RNF115: variants seen among roughly 807,000 people sequenced by gnomAD.
The protein encoded by RNF115 is ring finger protein 115, also known as E3 ubiquitin-protein ligase RNF115.
In RNF115, 31 loss-of-function variants were observed where a neutral mutation model predicts 39.2. The ratio of observed to expected loss-of-function variants is 0.79; its 90% CI spans 0.59 to 1.07. The LOEUF (loss-of-function observed/expected upper bound fraction) is 1.07. Ranked by LOEUF, RNF115 falls within the 50% of genes least tolerant of loss-of-function variation. The pLI, the probability that RNF115 is intolerant of heterozygous loss-of-function variation, is 0.00. For synonymous variants in RNF115, 124 were observed against 131.0 expected, an observed-to-expected ratio of 0.95 and a Z score of 0.37; for missense variants, 384 against 381.7, an observed-to-expected ratio of 1.01 and a Z score of -0.05.
intron 1 of RNF115, among the ~76,000 whole-genome samples, chr1:145,815,637 G>A (rs1553723435): frequency 1.3e-5 from 2 of 151,502 alleles, no homozygotes; most frequent in Non-Finnish European, 1.5e-5. Flanking sequence ...ATTAGTCTTG[G>A]CTTCACATTG....
chr1:145,748,846 T>G (rs1484834941), intron 7 of RNF115, among the ~76,000 whole-genome samples: 1 of 149,824 alleles, frequency 6.7e-6, no homozygotes, highest in Non-Finnish European at 1.5e-5. Context: ...ATTGCGCCAC[T>G]GCACTCCAGC....
intron 2 of RNF115, among the ~76,000 whole-genome samples, chr1:145,787,245 G>A (rs1291922690): frequency 2.0e-5 from 3 of 152,126 alleles, no homozygotes; most frequent in Admixed American, 6.6e-5. Flanking sequence ...AGCCAAAAGA[G>A]GCCATCCTAT....
At chr1:145,812,992 AT>A (rs1424215039) in intron 1 of RNF115, among the ~76,000 whole-genome samples, 1 of 138,318 alleles carries the variant, frequency 7.2e-6, no homozygotes, top group Non-Finnish European at 1.6e-5. Context: ...GAAAAAAGAA[AT>A]TTCTAAAAAA....
At chr1:145,801,526 T>A (rs1353050895) in intron 1 of RNF115, among the ~76,000 whole-genome samples, 2 of 151,614 alleles carry the variant, frequency 1.3e-5, no homozygotes, top group African/African-American at 4.8e-5. Context: ...AGAGTGAGAC[T>A]CCATGTCAAA....
At chr1:145,801,870 C>A (rs1649263711) in intron 1 of RNF115, among the ~76,000 whole-genome samples, 1 of 152,170 alleles carries the variant, frequency 6.6e-6, no homozygotes. Flanking sequence ...TCACTGCAAC[C>A]TCTGCCTCCC....
At chr1:145,822,143 A>G (rs1440788524) in intron 1 of RNF115, among the ~76,000 whole-genome samples, 2 of 152,086 alleles carry the variant, frequency 1.3e-5, no homozygotes, top group Non-Finnish European at 2.9e-5. Context: ...CCTGGCCAAC[A>G]TGGTGAAACT....
intron 1 of RNF115, among the ~76,000 whole-genome samples, chr1:145,792,587 C>G (rs1553719155): frequency 6.6e-6 from 1 of 152,106 alleles, no homozygotes; most frequent in Non-Finnish European, 1.5e-5. Context: ...ACAATAATTG[C>G]TATAACCAAT....
intron 4 of RNF115, among the ~76,000 whole-genome samples, chr1:145,765,113 A>T (rs1167729427): frequency 2.6e-5 from 4 of 152,170 alleles, no homozygotes; most frequent in Non-Finnish European, 5.9e-5. Flanking sequence ...TTGATCTATG[A>T]CCTTACCCCC....
chr1:145,754,209 TATAAC>T (rs1431693138), intron 4 of RNF115, among the ~76,000 whole-genome samples: 2 of 152,240 alleles, frequency 1.3e-5, no homozygotes, highest in Non-Finnish European at 2.9e-5. Context: ...TATTATGGTA[TATAAC>T]ATATTTTGAA....
rs781918386 is a variant in RNF115, at chr1:145,809,488, A to ATTT, written c.102+14281_102+14283dup. On this transcript the variant is annotated intron_variant, in intron 1 of 8. Coordinates refer to ENST00000582693, the MANE Select transcript of RNF115 (RefSeq NM_014455.4). ...GCGCCACTGCACCCAGACCCAGCTA[A>ATTT]TTTTTTTTTTTTTTTTTTTTTGGAG... Among the ~76,000 whole-genome samples, 259 of 46,318 alleles carry ATTT rather than the reference A, an allele frequency of 5.6e-3. 19 individuals carry two copies. The highest frequency in any genetic ancestry group is 0.022 in the African/African-American group (231 of 10,416). 30.4% of individuals were successfully genotyped at this position (46,318 alleles called of 152,430 possible).
chr1:145,817,566 G>A lies in RNF115; in HGVS notation c.102+6206C>T, dbSNP rs587733455. Among the ~76,000 whole-genome samples, 384 of 143,946 alleles carry A rather than the reference G, an allele frequency of 2.7e-3. 5 individuals are homozygous for A. The highest frequency in any genetic ancestry group is 6.2e-3 in the African/African-American group (253 of 40,646). 94.4% of individuals were successfully genotyped at this position (143,946 alleles called of 152,430 possible). ...TATATTGACTATAAATGGTTTTTAG[G>A]TTTTAGGTCCTTCATTTTGCTCTTT... On this transcript the variant is annotated intron_variant, in intron 1 of 8. Coordinates refer to ENST00000582693, the MANE Select transcript of RNF115 (RefSeq NM_014455.4).
Position 145,788,704 on chromosome 1 carries a change from C to G in RNF115, c.161+204G>C, listed in dbSNP as rs1648501119. ...ACCACATCTGCTATGATATCACTTT[C>G]CAAATTTTCCCATTTTTCTTTCTTT... On this transcript the variant is annotated intron_variant, in intron 2 of 8. Coordinates refer to ENST00000582693, the MANE Select transcript of RNF115 (RefSeq NM_014455.4). The G allele has an allele frequency of 2.5e-5, 17 of 676,750 alleles. No homozygotes were observed. The South Asian group carries it at 2.6e-4, about 10-fold the overall frequency. 41.9% of individuals were successfully genotyped at this position (676,750 alleles called of 1,614,324 possible).
intron 3 of RNF115, among the ~76,000 whole-genome samples, chr1:145,775,039 G>T (rs1296523541): frequency 6.6e-6 from 1 of 152,092 alleles, no homozygotes; most frequent in African/African-American, 2.4e-5. Context: ...TTGAGCCCAG[G>T]AGTTCAAGAC....
Position 145,750,465 on chromosome 1 carries a change from T to A in RNF115, c.609A>T (p.Pro203=), listed in dbSNP as rs782121399. ...LGQLENTGPP[P]ADKEKITSLP... ...GAGATGTGATCTTTTCCTTGTCAGC[T>A]GGGGGAGGGCCTGTGTTTTCCAGTT... Residue 203 remains proline (P), a synonymous_variant, in exon 7 of 9, where the codon CCA becomes CCT. Transcript: ENST00000582693. 8.6e-5 allele frequency: 139 copies of A among 1,613,890 alleles called. 1 individual carries two copies. Among genetic ancestry groups the A allele is most frequent in the Non-Finnish European group, 1.2e-5 (14 of 1,179,956 alleles).
chr1:145,784,248 C>T (rs925938493), intron 3 of RNF115, among the ~76,000 whole-genome samples: 1 of 152,192 alleles, frequency 6.6e-6, no homozygotes, highest in African/African-American at 2.4e-5. Context: ...TTCTTATTCT[C>T]ACACTGTATA....
intron 4 of RNF115, among the ~76,000 whole-genome samples, chr1:145,761,289 A>C (rs1658492556): frequency 6.6e-6 from 1 of 152,242 alleles, no homozygotes; most frequent in Non-Finnish European, 1.5e-5. Context: ...GTTAATCCCC[A>C]AGACCACAGG....
chr1:145,800,913 T>C (rs1649205950), intron 1 of RNF115, among the ~76,000 whole-genome samples: 1 of 152,188 alleles, frequency 6.6e-6, no homozygotes, highest in Admixed American at 6.5e-5. Flanking sequence ...CTCATGCCTG[T>C]AATCCCAGCA....
chr1:145,799,542 G>A (rs1028844747), intron 1 of RNF115, among the ~76,000 whole-genome samples: 1 of 151,580 alleles, frequency 6.6e-6, no homozygotes, highest in Non-Finnish European at 1.5e-5. Flanking sequence ...CCTGATGTTA[G>A]GGGGAAAGCT....
At chr1:145,767,345 C>T (rs1394726579) in intron 4 of RNF115, among the ~76,000 whole-genome samples, 1 of 151,560 alleles carries the variant, frequency 6.6e-6, no homozygotes, top group Admixed American at 6.6e-5. Context: ...ACGGGGCGGC[C>T]GGGCAGAGAC....
Sources: allele counts gnomAD v4.1 joint callset (sites outside exome capture counted in the v4.1 genomes callset), GRCh38; gene constraint gnomAD v4.1.1; transcripts MANE v1.5; gene names NCBI Gene and HGNC (gene_info 2026-07-23, HGNC 2026-07-21).